SNX24: variants seen among roughly 807,000 people sequenced by gnomAD.
SNX24 encodes sorting nexin 24.
In SNX24, 22 loss-of-function variants were observed where a neutral mutation model predicts 28.7. That is an observed-to-expected ratio of 0.77 (90% confidence interval 0.55 to 1.10). The LOEUF is 1.10. SNX24 is among the 50% of genes least tolerant of loss of function. SNX24 has a pLI of 0.00. For missense variants in SNX24, 221 were observed against 201.1 expected (o/e 1.10, Z -0.60); for synonymous variants, 69 against 71.5 (o/e 0.96, Z 0.18).
At chr5:122,873,533 A>G (rs1756079024) in intron 1 of SNX24, among the ~76,000 whole-genome samples, 1 of 152,072 alleles carries the variant, frequency 6.6e-6, no homozygotes, top group Non-Finnish European at 1.5e-5. Flanking sequence ...GCCAGGCAGG[A>G]GCTGTAAGAG....
At chr5:122,920,235 A>T (rs550734461) in intron 1 of SNX24, among the ~76,000 whole-genome samples, 1 of 152,204 alleles carries the variant, frequency 6.6e-6, no homozygotes, top group African/African-American at 2.4e-5. Flanking sequence ...GGCCAGATTA[A>T]CTTGGAATTT....
intron 3 of SNX24, among the ~76,000 whole-genome samples, chr5:122,982,774 C>A (rs1441262403): frequency 6.6e-6 from 1 of 152,074 alleles, no homozygotes; most frequent in Non-Finnish European, 1.5e-5. Flanking sequence ...TTGCTTTCAG[C>A]GAAGTCCTTT....
At chr5:122,869,611 T>C (rs767081310) in intron 1 of SNX24, among the ~76,000 whole-genome samples, 2 of 152,220 alleles carry the variant, frequency 1.3e-5, no homozygotes, top group South Asian at 2.1e-4. Context: ...ATGAACAGGA[T>C]TGAAATTAAC....
intron 3 of SNX24, among the ~76,000 whole-genome samples, chr5:122,958,114 A>G (rs906305993): frequency 1.3e-5 from 2 of 152,182 alleles, no homozygotes; most frequent in Non-Finnish European, 2.9e-5. Context: ...GTTGTAGAAG[A>G]AAAGCTTTCA....
chr5:122,988,600 G>T (rs1380888655), intron 3 of SNX24, among the ~76,000 whole-genome samples: 1 of 152,042 alleles, frequency 6.6e-6, no homozygotes, highest in Non-Finnish European at 1.5e-5. Flanking sequence ...ATTCCCTGTG[G>T]CTCATTCTAC....
chr5:122,889,723 ATG>A (rs1690496771), intron 1 of SNX24, among the ~76,000 whole-genome samples: 1 of 57,776 alleles, frequency 1.7e-5, no homozygotes. Flanking sequence ...ATATATATGT[ATG>A]TGTATATATA....
chr5:122,859,494 T>A (rs1755358366), intron 1 of SNX24, among the ~76,000 whole-genome samples: 1 of 152,020 alleles, frequency 6.6e-6, no homozygotes, highest in Non-Finnish European at 1.5e-5. Flanking sequence ...GGTCCCTACT[T>A]GAGAGGCTGA....
chr5:123,001,502 G>A (rs1238233935), intron 5 of SNX24, 65 bp downstream of exon 5: 11 of 1,132,408 alleles, frequency 9.7e-6, no homozygotes, highest in African/African-American at 3.1e-5. Flanking sequence ...AATCACCTAC[G>A]ATGTGTTTCA....
At chr5:122,986,234 A>G (rs1761598450) in intron 3 of SNX24, among the ~76,000 whole-genome samples, 1 of 152,220 alleles carries the variant, frequency 6.6e-6, no homozygotes, top group African/African-American at 2.4e-5. Context: ...TCTGTAAGAA[A>G]TTCAAGTGGA....
chr5:122,895,976 C>G (rs941379948), intron 1 of SNX24, among the ~76,000 whole-genome samples: 1 of 152,104 alleles, frequency 6.6e-6, no homozygotes, highest in Non-Finnish European at 1.5e-5. Flanking sequence ...TGGTGAAACC[C>G]CATCTCTACT....
chr5:123,013,859 C>T (rs774045499), downstream of SNX24, among the ~76,000 whole-genome samples: 11 of 152,078 alleles, frequency 7.2e-5, no homozygotes, highest in South Asian at 4.1e-4. Flanking sequence ...TATTTTATCA[C>T]GTTAAGTTCT....
At chr5:122,976,266 T>G in intron 3 of SNX24, among the ~76,000 whole-genome samples, 1 of 146,952 alleles carries the variant, frequency 6.8e-6, no homozygotes, top group Non-Finnish European at 1.5e-5. Context: ...GACCAAAATG[T>G]GGGAAATCTT....
In SNX24 at chr5:122,871,692, C is replaced by T. The variant is rs189767308; in HGVS notation, c.60+25999C>T. 3.9e-5 allele frequency among the ~76,000 whole-genome samples: 6 copies of T among 152,158 alleles called. No homozygotes were observed. In the East Asian group the frequency reaches 7.7e-4, roughly 20 times the overall value. On this transcript the variant is annotated intron_variant, in intron 1 of 6. Transcript: ENST00000261369. ...GGCTGAGGCAGGAGAATCACTTGAA[C>T]GTGGGAGGCGGAGGTTGCAGTGAGC...
At chr5:122,978,019 AT>A (rs1156778420) in intron 3 of SNX24, among the ~76,000 whole-genome samples, 11 of 151,906 alleles carry the variant, frequency 7.2e-5, no homozygotes, top group Non-Finnish European at 1.0e-4. Context: ...GAATGTTTCA[AT>A]TTTTTTTCAT....
chr5:122,955,190 A>G (rs1264086524), intron 3 of SNX24, among the ~76,000 whole-genome samples: 3 of 151,738 alleles, frequency 2.0e-5, no homozygotes, highest in South Asian at 2.1e-4. Context: ...TGTATCAGTT[A>G]TTATATTTTT....
chr5:122,922,917 T>G (rs573686780), intron 1 of SNX24, among the ~76,000 whole-genome samples: 3 of 152,332 alleles, frequency 2.0e-5, no homozygotes, highest in East Asian at 3.9e-4. Context: ...GCACATGGTA[T>G]GTGCTCAAAA....
At chr5:123,015,463 G>A (rs571284786) in intron 5 of SNX24, among the ~76,000 whole-genome samples, 2 of 152,176 alleles carry the variant, frequency 1.3e-5, no homozygotes, top group African/African-American at 2.4e-5. Flanking sequence ...TCTCTTAAAT[G>A]TCTATTCTTT....
chr5:122,904,410 C>A (rs145010802), intron 1 of SNX24, among the ~76,000 whole-genome samples: 1 of 151,862 alleles, frequency 6.6e-6, no homozygotes, highest in East Asian at 1.9e-4. Flanking sequence ...CTCAAACTCC[C>A]GACCTCAGGT....
intron 1 of SNX24, among the ~76,000 whole-genome samples, chr5:122,927,192 A>G (rs1375477076): frequency 1.3e-5 from 2 of 152,234 alleles, no homozygotes; most frequent in Admixed American, 6.5e-5. Context: ...AGGCTTGTAC[A>G]GGTTAAACAA....
Sources: allele counts gnomAD v4.1 joint callset (sites outside exome capture counted in the v4.1 genomes callset), GRCh38; gene constraint gnomAD v4.1.1; transcripts MANE v1.5; gene names NCBI Gene and HGNC (gene_info 2026-07-23, HGNC 2026-07-21).